MELK: variants seen among roughly 807,000 people sequenced by gnomAD.
The protein encoded by MELK is maternal embryonic leucine zipper kinase, also known as pEg3 kinase.
MELK carries 81 observed loss-of-function variants against 85.0 expected under a neutral mutation model. That is an observed-to-expected ratio of 0.95 (90% CI 0.80 to 1.15). MELK has a LOEUF of 1.15. Among genes scored for constraint, MELK ranks in the 50% most tolerant of loss-of-function variants. MELK has a pLI of 0.00. For synonymous variants in MELK, 252 were observed against 265.0 expected, an observed-to-expected ratio of 0.95 and a Z score of 0.48; for missense variants, 754 against 777.5, an observed-to-expected ratio of 0.97 and a Z score of 0.36.
intron 8 of MELK, among the ~76,000 whole-genome samples, chr9:36,615,859 TCA>T (rs1826690008): frequency 6.7e-6 from 1 of 149,974 alleles, no homozygotes; most frequent in Non-Finnish European, 1.5e-5. Flanking sequence ...GAGACGCTCC[TCA>T]CTTTCCAGAC....
At chr9:36,581,199 T>C (rs1461168700) in intron 1 of MELK, among the ~76,000 whole-genome samples, 1 of 151,916 alleles carries the variant, frequency 6.6e-6, no homozygotes, top group Non-Finnish European at 1.5e-5. Flanking sequence ...AAGTGCTTAG[T>C]TTTATTTTTA....
At chr9:36,611,752 C>T (rs1035199919) in intron 8 of MELK, among the ~76,000 whole-genome samples, 3 of 145,404 alleles carry the variant, frequency 2.1e-5, no homozygotes, top group Non-Finnish European at 3.0e-5. Context: ...ATAAATGTAG[C>T]TATTATTATT....
At chr9:36,623,762 T>C (rs1031984544) in intron 8 of MELK, among the ~76,000 whole-genome samples, 1 of 152,272 alleles carries the variant, frequency 6.6e-6, no homozygotes, top group Non-Finnish European at 1.5e-5. Context: ...TGTGTCCATC[T>C]CTGGCCCTCA....
At chr9:36,650,780 G>T (rs1282075598) in intron 11 of MELK, among the ~76,000 whole-genome samples, 1 of 152,218 alleles carries the variant, frequency 6.6e-6, no homozygotes, top group Non-Finnish European at 1.5e-5. Context: ...GGAATCCCTA[G>T]ACTGACAATT....
At position 36,677,142 on chromosome 9, in the gene MELK, T is replaced by A. The variant is rs754737947; in HGVS notation, c.1779-18T>A. On this transcript the variant is annotated intron_variant, in intron 17 of 17. Transcript: ENST00000298048. ...TATGGTTCTCCTACTAACTAGCTTCTTATCTTGTTTTTCACAGTTATACAC... is the reference window on the plus strand; with the variant it reads ...TATGGTTCTCCTACTAACTAGCTTCATATCTTGTTTTTCACAGTTATACAC... 4 of 1,605,934 alleles carry A rather than the reference T, an allele frequency of 2.5e-6. No homozygotes were observed. The highest frequency in any genetic ancestry group is 2.6e-6 in the Non-Finnish European group (3 of 1,174,312).
chr9:36,651,772 C>T lies in MELK; in HGVS notation c.948C>T (p.Thr316=), dbSNP rs368444354. The part of the protein sequence containing the change: ...SLWQYDHLTA[T]YLLLLAKKAR... ...GGCAGTATGATCACCTCACGGCTAC[C>T]TATCTTCTGCTTCTAGCCAAGAAGG... Residue 316 remains threonine, a synonymous_variant, in exon 12 of 18, where the codon ACC becomes ACT. Coordinates refer to ENST00000298048, the MANE Select transcript of MELK (RefSeq NM_014791.4). The T allele has an allele frequency of 6.2e-7, 1 of 1,613,822 alleles. No individual in the cohort carries two copies. The highest frequency in any genetic ancestry group is 1.3e-5 in the African/African-American group (1 of 74,892).
chr9:36,599,430 A>T lies in MELK; in HGVS notation c.511A>T (p.Ser171Cys). 1 of 1,613,162 alleles carries T rather than the reference A, an allele frequency of 6.2e-7. No homozygotes were observed. Among genetic ancestry groups the T allele is most frequent in the Non-Finnish European group, 8.5e-7 (1 of 1,179,480 alleles). The change falls in exon 7 of 18, where the codon AGT (serine) becomes TGT (cysteine). Residue 171 changes from serine (S) to cysteine (C), a missense_variant. Coordinates refer to ENST00000298048, the MANE Select transcript of MELK (RefSeq NM_014791.4). ...KDYHLQTCCG[S>C]LAYAAPELIQ... ...TTACCATCTACAGACATGCTGTGGG[A>T]GTCTGGCTTATGCAGCACCTGAGTT...
chr9:36,612,533 G>C (rs539085389), intron 8 of MELK, among the ~76,000 whole-genome samples: 2 of 152,246 alleles, frequency 1.3e-5, no homozygotes, highest in South Asian at 4.1e-4. Context: ...TTACAGGCGA[G>C]TGCCACCAAG....
intron 8 of MELK, among the ~76,000 whole-genome samples, chr9:36,612,847 T>C (rs1826187802): frequency 6.6e-6 from 1 of 152,240 alleles, no homozygotes; most frequent in African/African-American, 2.4e-5. Context: ...TGACAATTTT[T>C]TTGTGGATGT....
At chr9:36,583,808 A>G (rs1055949950) in intron 3 of MELK, 96 bp downstream of exon 3, 3 of 825,946 alleles carry the variant, frequency 3.6e-6, no homozygotes, top group Non-Finnish European at 5.6e-6. Context: ...TGCTCTTAGA[A>G]TAATATTTTT....
chr9:36,592,208 A>T (rs1443112624), intron 4 of MELK, among the ~76,000 whole-genome samples: 9 of 134,972 alleles, frequency 6.7e-5, no homozygotes, highest in Non-Finnish European at 1.4e-4. Context: ...GGAGTCTCAC[A>T]CTGTCTTGAG....
chr9:36,671,215 G>T, intron 16 of MELK, 49 bp downstream of exon 16: 2 of 1,461,556 alleles, frequency 1.4e-6, no homozygotes, highest in Non-Finnish European at 1.8e-6. Context: ...GACTGCTAAT[G>T]GACTGCCTTT....
At chr9:36,606,512 G>A (rs980688933) in intron 7 of MELK, among the ~76,000 whole-genome samples, 1 of 130,032 alleles carries the variant, frequency 7.7e-6, no homozygotes, top group African/African-American at 2.9e-5. Flanking sequence ...AAATACATAT[G>A]TATAGGTGTG....
chr9:36,590,115 G>T (rs1389675974), intron 4 of MELK, among the ~76,000 whole-genome samples: 1 of 151,894 alleles, frequency 6.6e-6, no homozygotes, highest in Admixed American at 6.6e-5. Context: ...TAGAGACGGG[G>T]TTTCACGTGT....
At chr9:36,660,974 A>T (rs1006188236) in intron 13 of MELK, among the ~76,000 whole-genome samples, 11 of 152,158 alleles carry the variant, frequency 7.2e-5, no homozygotes, top group African/African-American at 2.7e-4. Context: ...CTGGGCAACA[A>T]GAGCAAAACT....
At chr9:36,651,725 C>G (rs771762192) in intron 11 of MELK, 21 bp from the exon 12 acceptor site, 1 of 1,604,862 alleles carries the variant, frequency 6.2e-7, no homozygotes, top group Admixed American at 1.7e-5. Context: ...TTCTAACCAA[C>G]TTGATTTTCT....
At chr9:36,661,661 G>T (rs1450345082) in intron 13 of MELK, among the ~76,000 whole-genome samples, 4 of 152,144 alleles carry the variant, frequency 2.6e-5, no homozygotes, top group African/African-American at 9.7e-5. Context: ...GCTAGGCCGG[G>T]CGCGGTGGCT....
intron 1 of MELK, among the ~76,000 whole-genome samples, chr9:36,577,257 A>T (rs187416151): frequency 1.4e-4 from 21 of 152,242 alleles, no homozygotes; most frequent in Non-Finnish European, 2.8e-4. Context: ...TCACGCCTGT[A>T]ATCCCAGCAC....
rs753584662 is a variant in MELK, at chr9:36,583,668, G to A, written c.100G>A (p.Gly34Arg). The A allele has an allele frequency of 1.9e-6, 3 of 1,612,826 alleles. No individual in the cohort carries two copies. Among genetic ancestry groups the A allele is most frequent in the Non-Finnish European group, 2.5e-6 (3 of 1,179,282 alleles). The change falls in exon 3 of 18, where the codon GGA becomes AGA. Residue 34 changes from glycine to arginine, a missense_variant. Physicochemically the swap from Gly to Arg is moderately radical, Grantham distance 125. Coordinates refer to ENST00000298048, the MANE Select transcript of MELK (RefSeq NM_014791.4). ...CAAACTTGCCTGCCATATCCTTACT[G>A]GAGAGATGGTAGCTATAAAAATCAT... ...KVKLACHILTGEMVAIKIMDK... is the reference protein window; with the variant it reads ...KVKLACHILTREMVAIKIMDK...
Sources: allele counts gnomAD v4.1 joint callset (sites outside exome capture counted in the v4.1 genomes callset), GRCh38; gene constraint gnomAD v4.1.1; transcripts MANE v1.5; gene names NCBI Gene and HGNC (gene_info 2026-07-23, HGNC 2026-07-21).